Variants in NSUN5 observed in about 807,000 individuals in gnomAD.
NSUN5 encodes NOP2/Sun RNA methyltransferase 5.
NSUN5 carries 39 observed loss-of-function variants against 51.1 expected under a neutral mutation model. The ratio of observed to expected loss-of-function variants is 0.76; its 90% CI spans 0.59 to 1.00. The LOEUF is 1.00. NSUN5 is among the 50% of genes least tolerant of loss of function. The probability of loss-of-function intolerance (pLI) is 0.00; values close to 1 mark genes in which losing one functional copy is unlikely to be tolerated. For synonymous variants in NSUN5, 266 were observed against 271.5 expected, an observed-to-expected ratio of 0.98 and a Z score of 0.20; for missense variants, 526 against 614.0, an observed-to-expected ratio of 0.86 and a Z score of 1.51.
At chr7:73,308,580 G>T in intron 1 of NSUN5, 27 bp from the exon 2 acceptor site, 1 of 1,592,816 alleles carries the variant, frequency 6.3e-7, no homozygotes, top group South Asian at 1.1e-5. Context: ...GACAAGCTGG[G>T]TGGGGGCTCC....
intron 4 of NSUN5, among the ~76,000 whole-genome samples, chr7:73,306,568 T>A (rs1804049225): frequency 1.3e-5 from 2 of 151,972 alleles, no homozygotes; most frequent in South Asian, 4.2e-4. Context: ...ACCTAGGCAG[T>A]GTCCGAGGGG....
Position 73,303,914 on chromosome 7 carries a change from G to A in NSUN5, c.1057C>T (p.Arg353Trp), listed in dbSNP as rs781800534. Residue 353 changes from arginine to tryptophan, a missense_variant, in exon 8 of 10, where the codon CGG becomes TGG. Physicochemically the swap from Arg to Trp is moderately radical, Grantham distance 101. Coordinates refer to ENST00000438747, the MANE Select transcript of NSUN5 (RefSeq NM_148956.4). ...AGGGAGCACGTGGAGTAGACGAGCC[G>A]CTGCAGGGAAGGGAAAGTGAGTGCG... Reference protein sequence around the residue: ...CHALTFPSLQRLVYSTCSLCQ... With the variant: ...CHALTFPSLQWLVYSTCSLCQ... 2.2e-5 allele frequency: 35 copies of A among 1,613,822 alleles called. No homozygotes were observed. In the East Asian group the frequency reaches 2.2e-4, roughly 10 times the overall value.
At position 73,308,757 on chromosome 7, in the gene NSUN5, C is replaced by T; in HGVS notation, c.34G>A (p.Ala12Thr). The T allele has an allele frequency of 1.2e-6, 2 of 1,612,962 alleles. No homozygotes were observed. Among genetic ancestry groups the T allele is most frequent in the East Asian group, 2.2e-5 (1 of 44,864 alleles). The change falls in exon 1 of 10, where the codon GCC becomes ACC. Residue 12 changes from alanine (A) to threonine (T), a missense_variant. By Grantham distance (58) the Ala-to-Thr change is moderately conservative. Coordinates refer to ENST00000438747, the MANE Select transcript of NSUN5 (RefSeq NM_148956.4). ...GAGCCCTGGCGGCTCTCCACGCCGG[C>T]CAACACGCCTGCAGCTGCAGCATAC... is the stretch of plus-strand genomic sequence containing the variant. Reference protein sequence around the residue: ...GLYAAAAGVLAGVESRQGSIK... With the variant: ...GLYAAAAGVLTGVESRQGSIK...
At position 73,303,613 on chromosome 7, in the gene NSUN5, C is replaced by A; in HGVS notation, c.1273G>T (p.Val425Phe). The change falls in exon 9 of 10, where the codon GTC (valine) becomes TTC (phenylalanine). Residue 425 changes from valine to phenylalanine, a missense_variant. Coordinates refer to ENST00000438747, the MANE Select transcript of NSUN5 (RefSeq NM_148956.4). The part of the protein sequence containing the change: ...SGFFVAVIER[V>F]EVPSSASQAK... ...CCACTCACTCACCTTGGCACCTCGA[C>A]CCGTTCAATTACAGCAACGAAGAAG... is the stretch of plus-strand genomic sequence containing the variant. The A allele has an allele frequency of 6.2e-7, 1 of 1,614,206 alleles. No homozygotes were observed. Among genetic ancestry groups the A allele is most frequent in the Non-Finnish European group, 8.5e-7 (1 of 1,180,034 alleles).
At chr7:73,305,302 G>C (rs1803995252) in intron 4 of NSUN5, among the ~76,000 whole-genome samples, 1 of 152,152 alleles carries the variant, frequency 6.6e-6, no homozygotes, top group Non-Finnish European at 1.5e-5. Context: ...TTTACCAGCA[G>C]TGGGAGCCTG....
chr7:73,303,761 A>G (rs576497877), intron 8 of NSUN5, 21 bp from the exon 9 acceptor site: 161 of 1,613,850 alleles, frequency 1.0e-4, no homozygotes, highest in South Asian at 3.0e-4. Flanking sequence ...AACGGCCCCA[A>G]TGCTGGGTAA....
At chr7:73,304,515 TA>T in intron 6 of NSUN5, 107 bp from the exon 7 acceptor site, 2 of 1,158,774 alleles carry the variant, frequency 1.7e-6, no homozygotes, top group Non-Finnish European at 2.5e-6. Context: ...TGAAACGGCC[TA>T]CGTTTAAAGG....
chr7:73,304,386 C>T lies in NSUN5; in HGVS notation c.778G>A (p.Asp260Asn). Residue 260 changes from aspartate to asparagine, a missense_variant, in exon 7 of 10, where the codon GAT becomes AAT. Transcript: ENST00000438747. ...NQGKIFAFDL[D>N]AKRLASMATL... is the part of the protein sequence containing the mutation. ...GCCATGGATGCCAGCCGCTTGGCAT[C>T]CAGGTCAAAGGCAAAGATCTTCCTA... 1 of 1,613,044 alleles carries T rather than the reference C, an allele frequency of 6.2e-7. No homozygotes were observed. Among genetic ancestry groups the T allele is most frequent in the Non-Finnish European group, 8.5e-7 (1 of 1,179,418 alleles).
Position 73,308,798 on chromosome 7 carries a change from C to G in NSUN5, c.-8G>C, listed in dbSNP as rs781840459. ...TGCAGCATACAGCCCCATGTTCCCG[C>G]GCGCCTTTACGGCTCTGTGGCAAAA... On this transcript the variant is annotated 5_prime_UTR_variant, in exon 1 of 10. Coordinates refer to ENST00000438747, the MANE Select transcript of NSUN5 (RefSeq NM_148956.4). 1 of 1,612,550 alleles carries G rather than the reference C, an allele frequency of 6.2e-7. No individual in the cohort carries two copies. The highest frequency in any genetic ancestry group is 1.1e-5 in the South Asian group (1 of 91,028).
At chr7:73,305,711 T>G (rs1270660124) in intron 4 of NSUN5, among the ~76,000 whole-genome samples, 21 of 151,996 alleles carry the variant, frequency 1.4e-4, no homozygotes, top group African/African-American at 4.8e-4. Context: ...CTACATTCAC[T>G]ATAACTCAGT....
chr7:73,305,926 G>A (rs1804020835), intron 4 of NSUN5, among the ~76,000 whole-genome samples: 1 of 152,180 alleles, frequency 6.6e-6, no homozygotes, highest in Non-Finnish European at 1.5e-5. Context: ...GAGGGGCAGA[G>A]GCTGCTTCTC....
rs1472958425 is a variant in NSUN5, at chr7:73,305,585, C to T, written c.501-488G>A. Among the ~76,000 whole-genome samples, 3 of 151,796 alleles carry T rather than the reference C, an allele frequency of 2.0e-5. No homozygotes were observed. The South Asian group carries it at 6.3e-4, about 32-fold the overall frequency. ...GTTCACGCCATTCTCCTGCCTCAGC[C>T]TCCCGAGTAGCAGAAAAAGTTTACT... On this transcript the variant is annotated intron_variant, in intron 4 of 9. Coordinates refer to ENST00000438747, the MANE Select transcript of NSUN5 (RefSeq NM_148956.4).
chr7:73,307,179 A>G (rs1207372611), intron 4 of NSUN5, among the ~76,000 whole-genome samples: 2 of 152,198 alleles, frequency 1.3e-5, no homozygotes, highest in African/African-American at 4.8e-5. Flanking sequence ...AGTTAAAGCT[A>G]GAGAAAAAAC....
chr7:73,303,659 A>AG lies in NSUN5; in HGVS notation c.1226dup (p.Glu410Ter), dbSNP rs1803896791. 6.2e-7 allele frequency: 1 copy of AG among 1,614,000 alleles called. No individual in the cohort carries two copies. Among genetic ancestry groups the AG allele is most frequent in the Non-Finnish European group, 8.5e-7 (1 of 1,180,014 alleles). On this transcript the variant is annotated frameshift_variant, in exon 9 of 10. Transcript: ENST00000438747. LOFTEE classifies it high-confidence loss of function. The stretch of plus-strand genomic sequence containing the variant: ...AGAAGCCACTGCTGAGTGTGGTCTC[A>AG]GGGGAGGCCCGGAGGCAGTGCTCGG...
Position 73,304,324 on chromosome 7 carries a change from T to C in NSUN5, c.840A>G (p.Glu280=), listed in dbSNP as rs1459513391. Residue 280 remains glutamate (E), a synonymous_variant, in exon 7 of 10, where the codon GAA becomes GAG. Coordinates refer to ENST00000438747, the MANE Select transcript of NSUN5 (RefSeq NM_148956.4). The part of the protein sequence containing the change: ...LLARAGVSCC[E]LAEEDFLAVS... ...CCGCCAGGAAGTCCTCCTCAGCCAG[T>C]TCACAGCAAGAGACGCCAGCCCGGG... 1.9e-6 allele frequency: 3 copies of C among 1,614,114 alleles called. No homozygotes were observed. Among genetic ancestry groups the C allele is most frequent in the Non-Finnish European group, 8.5e-7 (1 of 1,180,026 alleles).
intron 2 of NSUN5, 148 bp from the exon 3 acceptor site, chr7:73,307,905 C>T (rs1804112089): frequency 1.4e-6 from 1 of 732,918 alleles, no homozygotes; most frequent in South Asian, 1.9e-5. Flanking sequence ...TCCAAGATCA[C>T]ACCAGAAATT....
chr7:73,307,923 G>A, intron 2 of NSUN5, 166 bp from the exon 3 acceptor site: 1 of 667,150 alleles, frequency 1.5e-6, no homozygotes, highest in Non-Finnish European at 2.5e-6. Flanking sequence ...ATTAACTACA[G>A]AACAGGATCG....
At chr7:73,305,205 A>G in intron 4 of NSUN5, 108 bp from the exon 5 acceptor site, 1 of 1,428,462 alleles carries the variant, frequency 7.0e-7, no homozygotes, top group Non-Finnish European at 9.5e-7. Flanking sequence ...AGAAATCAAC[A>G]GGGTGATAAG....
intron 4 of NSUN5, 53 bp from the exon 5 acceptor site, chr7:73,305,150 C>T (rs2695358): frequency 2.3e-5 from 37 of 1,593,956 alleles, no homozygotes; most frequent in South Asian, 1.1e-5. Context: ...TGCCAGGCCC[C>T]ATTTCAACGG....
Sources: allele counts gnomAD v4.1 joint callset (sites outside exome capture counted in the v4.1 genomes callset), GRCh38; gene constraint gnomAD v4.1.1; transcripts MANE v1.5; gene names NCBI Gene and HGNC (gene_info 2026-07-23, HGNC 2026-07-21).